The following NOXA1 variants were observed in gnomAD, a reference collection of about 807,000 sequenced individuals.
NOXA1 encodes NADPH oxidase activator 1.
In NOXA1, 56 loss-of-function variants were observed where a neutral mutation model predicts 64.8. The ratio of observed to expected loss-of-function variants is 0.86; its 90% CI spans 0.70 to 1.08. The LOEUF is 1.08. NOXA1 is among the 50% of genes least tolerant of loss of function. NOXA1 has a pLI of 0.00. For synonymous variants in NOXA1, 295 were observed against 294.8 expected (o/e 1.00, Z -0.01); for missense variants, 668 against 658.5 (o/e 1.01, Z -0.16).
rs563809302 is a variant in NOXA1 at position 137,423,667 on chromosome 9, C to G, written c.138C>G (p.Cys46Trp). Reference sequence around the variant, plus strand: ...CCAGGCTGTGCTTCAACGCGGGCTGCGTGCACCTGCTGGCCGGGGACCCCG... The same window carrying G: ...CCAGGCTGTGCTTCAACGCGGGCTGGGTGCACCTGCTGGCCGGGGACCCCG... ...PPARLCFNAGCVHLLAGDPEA... is the reference protein window; with the variant it reads ...PPARLCFNAGWVHLLAGDPEA... The change falls in exon 1 of 14, where the codon TGC becomes TGG. Residue 46 changes from cysteine (C) to tryptophan (W), a missense_variant. Physicochemically the swap from Cys to Trp is radical, Grantham distance 215. Coordinates refer to ENST00000683555, the MANE Select transcript of NOXA1 (RefSeq NM_001256067.2). 4.7e-5 allele frequency: 66 copies of G among 1,389,508 alleles called. No homozygotes were observed. In the African/African-American group the frequency reaches 8.7e-4, roughly 18 times the overall value. The allele number at this position is 1,389,508 out of a possible 1,614,324, so 86.1% of individuals were successfully genotyped here. A position where few individuals can be genotyped will look rare whatever the true frequency, so the allele number is the denominator to read the frequency against.
chr9:137,432,384 C>T (rs1325338914), intron 8 of NOXA1, among the ~76,000 whole-genome samples: 3 of 152,002 alleles, frequency 2.0e-5, no homozygotes, highest in Non-Finnish European at 4.4e-5. Context: ...TCGAGACCAT[C>T]CCGGCTAACA....
At chr9:137,424,014 T>C (rs1319208367) in intron 1 of NOXA1, among the ~76,000 whole-genome samples, 1 of 152,136 alleles carries the variant, frequency 6.6e-6, no homozygotes, top group Non-Finnish European at 1.5e-5. Context: ...CCTGTGGTCA[T>C]GGCCGGGAGA....
At chr9:137,430,697 G>A (rs1386297422) in intron 5 of NOXA1, 87 bp from the exon 6 acceptor site, 14 of 1,213,220 alleles carry the variant, frequency 1.2e-5, no homozygotes, top group Middle Eastern at 2.8e-4. Flanking sequence ...GGGACTTAGA[G>A]CTGCGGGGCA....
intron 5 of NOXA1, 65 bp from the exon 6 acceptor site, chr9:137,430,719 G>A: frequency 7.1e-7 from 1 of 1,406,314 alleles, no homozygotes; most frequent in Non-Finnish European, 9.5e-7. Flanking sequence ...GGTGGGGCGG[G>A]CTGCAGGGAG....
intron 9 of NOXA1, 44 bp downstream of exon 9, chr9:137,433,118 G>A (rs760901296): frequency 1.9e-6 from 3 of 1,611,672 alleles, no homozygotes; most frequent in Non-Finnish European, 8.5e-7. Flanking sequence ...GAAGGAGGAA[G>A]CTGCTGGTGC....
intron 1 of NOXA1, among the ~76,000 whole-genome samples, chr9:137,425,775 G>A (rs1198965282): frequency 6.6e-6 from 1 of 151,608 alleles, no homozygotes; most frequent in East Asian, 2.0e-4. Context: ...CTGAGGTCAG[G>A]AGTTTGAGAA....
chr9:137,429,024 G>T lies in NOXA1; in HGVS notation c.504+8G>T. On this transcript the variant is annotated splice_region_variant and intron_variant, in intron 4 of 13. Coordinates refer to ENST00000683555, the MANE Select transcript of NOXA1 (RefSeq NM_001256067.2). ...GCCCTGGACCAAGTGCAGGTGAGGAGTGCCAGCCCGGTCATGGTTTTGGGC... is the reference window on the plus strand; with the variant it reads ...GCCCTGGACCAAGTGCAGGTGAGGATTGCCAGCCCGGTCATGGTTTTGGGC... The T allele has an allele frequency of 3.9e-6, 6 of 1,540,316 alleles. No individual in the cohort carries two copies. Among genetic ancestry groups the T allele is most frequent in the East Asian group, 2.3e-5 (1 of 43,502 alleles).
chr9:137,429,377 G>A lies in NOXA1; in HGVS notation c.606G>A (p.Lys202=). ...TGGAGCCCGTGGATTTCCTGGGCAA[G>A]GCCAAGGTAAAGGTGGGGACGGCGT... ...KHLEPVDFLG[K]AKVVASAIPD... Residue 202 remains lysine, a synonymous_variant, in exon 5 of 14, where the codon AAG becomes AAA. Transcript: ENST00000683555. The A allele has an allele frequency of 6.3e-7, 1 of 1,575,308 alleles. No individual in the cohort carries two copies. Among genetic ancestry groups the A allele is most frequent in the Non-Finnish European group, 8.6e-7 (1 of 1,160,834 alleles).
At chr9:137,427,088 C>T (rs548000186) in intron 2 of NOXA1, among the ~76,000 whole-genome samples, 39 of 152,326 alleles carry the variant, frequency 2.6e-4, no homozygotes, top group African/African-American at 6.7e-4. Flanking sequence ...TGAGCCACCT[C>T]GCCCAGCCTA....
In NOXA1 at chr9:137,431,300, G is replaced by C; in HGVS notation, c.763G>C (p.Val255Leu). The change falls in exon 8 of 14, where the codon GTC becomes CTC. Residue 255 changes from valine to leucine, a missense_variant. Val to Leu is a conservative substitution (Grantham distance 32, BLOSUM62 1). Transcript: ENST00000683555. The surrounding 1 kb of genome is among the most constrained non-coding windows in gnomAD (Gnocchi z 5.6). ...HQGPLDAETE[V>L]GADRCTSTAY... Reference sequence around the variant, plus strand: ...GGGCCCCCTCGATGCAGAGACAGAGGTCGGTGCTGACCGCTGCACGTCGAC... The same window carrying C: ...GGGCCCCCTCGATGCAGAGACAGAGCTCGGTGCTGACCGCTGCACGTCGAC... The C allele has an allele frequency of 6.2e-7, 1 of 1,612,114 alleles. No homozygotes were observed. The highest frequency in any genetic ancestry group is 8.5e-7 in the Non-Finnish European group (1 of 1,179,958).
chr9:137,425,871 CAAA>C (rs577104589), intron 1 of NOXA1, among the ~76,000 whole-genome samples: 3 of 108,332 alleles, frequency 2.8e-5, no homozygotes, highest in Non-Finnish European at 6.0e-5. Flanking sequence ...GACCCCGTCT[CAAA>C]AAAAAAAAAA....
rs1170688203 is a variant in NOXA1 at position 137,423,516 on chromosome 9, C to T, written c.-14C>T. ...GGGATCCTGGCCCCTCCTCGAGCGCCGCCACCGGCCGCCATGGCCTCTCTG... is the reference window on the plus strand; with the variant it reads ...GGGATCCTGGCCCCTCCTCGAGCGCTGCCACCGGCCGCCATGGCCTCTCTG... On this transcript the variant is annotated 5_prime_UTR_variant, in exon 1 of 14. Transcript: ENST00000683555. The T allele has an allele frequency of 1.5e-6, 2 of 1,339,534 alleles. No homozygotes were observed. Among genetic ancestry groups the T allele is most frequent in the East Asian group, 3.1e-5 (1 of 31,872 alleles). The allele number at this position is 1,339,534 out of a possible 1,614,324, so 83.0% of individuals were successfully genotyped here.
intron 5 of NOXA1, 148 bp from the exon 6 acceptor site, chr9:137,430,635 TG>T: frequency 1.7e-6 from 1 of 597,888 alleles, no homozygotes. Flanking sequence ...TTTCCCTCCA[TG>T]GTGGTCTGGC....
intron 10 of NOXA1, 41 bp downstream of exon 10, chr9:137,433,304 G>A (rs758341664): frequency 1.3e-6 from 2 of 1,521,600 alleles, no homozygotes; most frequent in South Asian, 1.2e-5. Flanking sequence ...TCACCTGAGG[G>A]AGGCTGAGGC....
Position 137,434,405 on chromosome 9 carries a change from C to T in NOXA1, c.*45C>T. On this transcript the variant is annotated 3_prime_UTR_variant, in exon 14 of 14. Transcript: ENST00000683555. Reference sequence around the variant, plus strand: ...CTTTTAATAAAAACAACCCCCACTGCAGTCTCACCCTCCAAGTGGGTGTGG... The same window carrying T: ...CTTTTAATAAAAACAACCCCCACTGTAGTCTCACCCTCCAAGTGGGTGTGG... The T allele has an allele frequency of 2.0e-6, 3 of 1,523,926 alleles. No homozygotes were observed. Among genetic ancestry groups the T allele is most frequent in the Non-Finnish European group, 1.8e-6 (2 of 1,135,372 alleles). The allele number at this position is 1,523,926 out of a possible 1,614,324, so 94.4% of individuals were successfully genotyped here.
rs147590859 is a variant in NOXA1 at position 137,428,105 on chromosome 9, G to A, written c.333G>A (p.Thr111=). ...GGGGCCACGCTGCCATCGACTACAC[G>A]CAGCTGGGCCTGCGGTTCAAGCTGC... ...QLRGHAAIDY[T]QLGLRFKLQA... Residue 111 remains threonine, a synonymous_variant, in exon 3 of 14, where the codon ACG becomes ACA. Transcript: ENST00000683555. 319 of 1,581,260 alleles carry A rather than the reference G, an allele frequency of 2.0e-4. No individual in the cohort carries two copies. The highest frequency in any genetic ancestry group is 2.2e-4 in the Admixed American group (12 of 55,192).
At chr9:137,430,124 C>A (rs577655970) in intron 5 of NOXA1, among the ~76,000 whole-genome samples, 8 of 150,342 alleles carry the variant, frequency 5.3e-5, no homozygotes, top group Middle Eastern at 3.4e-3. Context: ...TGTGTCCCTG[C>A]CACAGATAGC....
Position 137,433,222 on chromosome 9 carries a change from G to A in NOXA1, c.868G>A (p.Gly290Arg). 6.2e-7 allele frequency: 1 copy of A among 1,606,132 alleles called. No homozygotes were observed. Among genetic ancestry groups the A allele is most frequent in the Non-Finnish European group, 8.5e-7 (1 of 1,177,248 alleles). The change falls in exon 10 of 14, where the codon GGG (glycine) becomes AGG (arginine). Residue 290 changes from glycine (G) to arginine (R), a missense_variant. Physicochemically the swap from Gly to Arg is moderately radical, Grantham distance 125. Coordinates refer to ENST00000683555, the MANE Select transcript of NOXA1 (RefSeq NM_001256067.2). ...TCCTACAGGGCTGCCGGCAATGGGG[G>A]GGCCTGGCCCCGGCCCCTGTGAGGA... ...PLSPGLPAMG[G>R]PGPGPCEDPA... is the part of the protein sequence containing the mutation.
Position 137,423,591 on chromosome 9 carries a change from G to T in NOXA1, c.62G>T (p.Gly21Val). The T allele has an allele frequency of 6.8e-7, 1 of 1,481,380 alleles. No individual in the cohort carries two copies. The highest frequency in any genetic ancestry group is 9.0e-7 in the Non-Finnish European group (1 of 1,116,834). The allele number at this position is 1,481,380 out of a possible 1,614,324, so 91.8% of individuals were successfully genotyped here. The change falls in exon 1 of 14, where the codon GGG (glycine) becomes GTG (valine). Residue 21 changes from glycine (G) to valine (V), a missense_variant. Physicochemically the swap from Gly to Val is moderately radical, Grantham distance 109. Coordinates refer to ENST00000683555, the MANE Select transcript of NOXA1 (RefSeq NM_001256067.2). ...CTGGGCGCGCAGGCTGTGGATCGTG[G>T]GGACTGGGCCCGCGCCTTGCACCTC... is the stretch of plus-strand genomic sequence containing the variant. The part of the protein sequence containing the change: ...WHLGAQAVDR[G>V]DWARALHLFS...
Sources: allele counts gnomAD v4.1 joint callset (sites outside exome capture counted in the v4.1 genomes callset), GRCh38; gene constraint gnomAD v4.1.1; non-coding constraint Gnocchi (gnomAD v3.1); transcripts MANE v1.5; gene names NCBI Gene and HGNC (gene_info 2026-07-23, HGNC 2026-07-21).